The following DNAJC15 variants were observed in gnomAD, a reference collection of about 807,000 sequenced individuals.
DNAJC15 encodes the protein dnaJ homolog subfamily C member 15.
A neutral mutation model predicts 22.4 loss-of-function variants in DNAJC15; 27 were observed. The observed-to-expected ratio is 1.20, with a 90% CI of 0.89 to 1.66. The LOEUF (loss-of-function observed/expected upper bound fraction) is 1.66, where lower values mean the gene tolerates loss of function less well. DNAJC15 is among the 40% of genes most tolerant of loss of function. DNAJC15 has a pLI of 0.00. For synonymous variants in DNAJC15, 79 were observed against 63.2 expected (o/e 1.25, Z -1.19); for missense variants, 208 against 187.1 (o/e 1.11, Z -0.65).
chr13:43,082,857 TATAC>T (rs1555276540), intron 4 of DNAJC15, among the ~76,000 whole-genome samples: 4 of 149,484 alleles, frequency 2.7e-5, no homozygotes, highest in African/African-American at 9.8e-5. Flanking sequence ...TATATATATA[TATAC>T]ACACATATAT....
At chr13:43,094,131 T>C (rs2040728374) in intron 5 of DNAJC15, among the ~76,000 whole-genome samples, 1 of 152,238 alleles carries the variant, frequency 6.6e-6, no homozygotes, top group African/African-American at 2.4e-5. Flanking sequence ...CCTGAAACCA[T>C]GCCAATGAAC....
intron 5 of DNAJC15, among the ~76,000 whole-genome samples, chr13:43,090,818 C>T (rs1166760284): frequency 6.6e-6 from 1 of 151,656 alleles, no homozygotes; most frequent in Non-Finnish European, 1.5e-5. Flanking sequence ...CACCATTCTC[C>T]TGCCTCAGCC....
At chr13:43,092,675 G>A (rs749754686) in intron 5 of DNAJC15, among the ~76,000 whole-genome samples, 18 of 152,098 alleles carry the variant, frequency 1.2e-4, no homozygotes, top group Non-Finnish European at 1.8e-4. Context: ...ATTTTGGGAG[G>A]CCTGGGCAGG....
At position 43,063,346 on chromosome 13, in the gene DNAJC15, ATTGT is replaced by A. The variant is rs142347396; in HGVS notation, c.109-2336_109-2333del. ...TATTAAAAGCAGTTCACATTTACTG[ATTGT>A]TTGACATGTCCCAGGTCACTGTGCT... is the stretch of plus-strand genomic sequence containing the variant. On this transcript the variant is annotated intron_variant, in intron 1 of 5. Coordinates refer to ENST00000379221, the MANE Select transcript of DNAJC15 (RefSeq NM_013238.3). 6.4e-3 allele frequency among the ~76,000 whole-genome samples: 978 copies of A among 152,256 alleles called. 4 individuals carry two copies. Among genetic ancestry groups the A allele is most frequent in the African/African-American group, 0.022 (918 of 41,530 alleles).
At chr13:43,101,858 A>G (rs9525741) in intron 5 of DNAJC15, among the ~76,000 whole-genome samples, 34,864 of 152,054 alleles carry the variant, frequency 0.23, 4,574 homozygotes, top group Non-Finnish European at 0.31. Flanking sequence ...AGCTGGTTCC[A>G]TATTTTTACA....
chr13:43,063,685 G>C (rs922909141), intron 1 of DNAJC15, among the ~76,000 whole-genome samples: 6 of 152,128 alleles, frequency 3.9e-5, no homozygotes, highest in African/African-American at 1.2e-4. Flanking sequence ...TTTGGAGGAA[G>C]CCTGTGTATA....
chr13:43,039,809 A>G (rs2040444808), intron 1 of DNAJC15, among the ~76,000 whole-genome samples: 1 of 152,158 alleles, frequency 6.6e-6, no homozygotes. Flanking sequence ...TGAAGTCAGG[A>G]GTTCAAAATG....
chr13:43,091,269 G>T (rs1308961143), intron 5 of DNAJC15, among the ~76,000 whole-genome samples: 2 of 152,014 alleles, frequency 1.3e-5, no homozygotes, highest in African/African-American at 4.8e-5. Flanking sequence ...AGATTACTTA[G>T]TAGAGATGGT....
intron 5 of DNAJC15, 148 bp from the exon 6 acceptor site, chr13:43,107,030 G>T: frequency 1.7e-6 from 1 of 601,762 alleles, no homozygotes; most frequent in Non-Finnish European, 2.6e-6. Flanking sequence ...AATTTATACT[G>T]TTTTGATTTC....
chr13:43,048,563 T>C (rs2040488542), intron 1 of DNAJC15, among the ~76,000 whole-genome samples: 1 of 152,216 alleles, frequency 6.6e-6, no homozygotes, highest in Non-Finnish European at 1.5e-5. Context: ...TTTGAATATA[T>C]ATCATCTTTT....
At chr13:43,068,217 A>G (rs1401725216) in intron 2 of DNAJC15, among the ~76,000 whole-genome samples, 1 of 152,144 alleles carries the variant, frequency 6.6e-6, no homozygotes, top group Non-Finnish European at 1.5e-5. Context: ...TGCAAAAGAT[A>G]AAGTAGCTAG....
intron 1 of DNAJC15, among the ~76,000 whole-genome samples, chr13:43,045,099 G>A (rs1322211947): frequency 1.3e-5 from 2 of 152,110 alleles, no homozygotes; most frequent in Non-Finnish European, 2.9e-5. Context: ...CGACCTTGTT[G>A]CCTATTTTTT....
rs34398144 is a variant in DNAJC15 at position 43,024,893 on chromosome 13, TAAA to T, written c.108+1175_108+1177del. 1.0e-4 allele frequency among the ~76,000 whole-genome samples: 9 copies of T among 85,924 alleles called. 1 individual carries two copies. The highest frequency in any genetic ancestry group is 5.2e-4 in the East Asian group (2 of 3,852). 56.4% of individuals were successfully genotyped at this position (85,924 alleles called of 152,430 possible). A position where few individuals can be genotyped will look rare whatever the true frequency, so the allele number is the denominator to read the frequency against. On this transcript the variant is annotated intron_variant, in intron 1 of 5. Transcript: ENST00000379221. Reference sequence around the variant, plus strand: ...GCAACACAGGAGACCCCATCTCTGCTAAAAAAAAAAAAAAAAAATTAGCTGGGT... The same window carrying T: ...GCAACACAGGAGACCCCATCTCTGCTAAAAAAAAAAAAAAATTAGCTGGGT...
At chr13:43,047,149 A>G (rs576027327) in intron 1 of DNAJC15, among the ~76,000 whole-genome samples, 3 of 152,224 alleles carry the variant, frequency 2.0e-5, no homozygotes, top group Admixed American at 1.3e-4. Context: ...CGCCCGTAAC[A>G]GTGGTAAAGT....
intron 5 of DNAJC15, among the ~76,000 whole-genome samples, chr13:43,094,060 C>T (rs2040728036): frequency 6.6e-6 from 1 of 152,178 alleles, no homozygotes; most frequent in Non-Finnish European, 1.5e-5. Flanking sequence ...GATATTCTTC[C>T]TTGCTATTAA....
intron 1 of DNAJC15, among the ~76,000 whole-genome samples, chr13:43,027,739 C>T (rs1246134103): frequency 6.6e-6 from 1 of 152,022 alleles, no homozygotes; most frequent in African/African-American, 2.4e-5. Flanking sequence ...TCACTGCAGC[C>T]TCTGCCTCAC....
At chr13:43,053,389 GTT>G (rs891564602) in intron 1 of DNAJC15, among the ~76,000 whole-genome samples, 4 of 151,996 alleles carry the variant, frequency 2.6e-5, no homozygotes, top group Admixed American at 6.6e-5. Context: ...TGCATGGGCT[GTT>G]TTTTTGGTGC....
intron 3 of DNAJC15, among the ~76,000 whole-genome samples, chr13:43,077,057 G>C (rs1411828575): frequency 2.0e-5 from 3 of 152,154 alleles, no homozygotes; most frequent in Non-Finnish European, 4.4e-5. Flanking sequence ...TCTTACTTCA[G>C]TCTCATGGCT....
chr13:43,023,834 A>G (rs1209906303), intron 1 of DNAJC15, 100 bp downstream of exon 1: 1 of 1,129,314 alleles, frequency 8.9e-7, no homozygotes, highest in African/African-American at 1.6e-5. Context: ...ACTCCCCCGC[A>G]TTCGCTCACG....
Sources: allele counts gnomAD v4.1 joint callset (sites outside exome capture counted in the v4.1 genomes callset), GRCh38; gene constraint gnomAD v4.1.1; transcripts MANE v1.5; gene names NCBI Gene and HGNC (gene_info 2026-07-23, HGNC 2026-07-21).